Variants in RCC1L observed in about 807,000 individuals in gnomAD.
RCC1L encodes the protein RCC1-like G exchanging factor-like protein.
Under a neutral mutation model 58.6 loss-of-function variants are expected in RCC1L, and 46 were observed. The ratio of observed to expected loss-of-function variants is 0.79; its 90% CI spans 0.62 to 1.00. The LOEUF is 1.00. Among genes scored for constraint, RCC1L ranks in the 50% least tolerant of loss-of-function variants. The pLI, the probability that RCC1L is intolerant of heterozygous loss-of-function variation, is 0.00. For synonymous variants in RCC1L, 281 were observed against 262.9 expected (o/e 1.07, Z -0.67); for missense variants, 636 against 623.6 (o/e 1.02, Z -0.21).
chr7:75,060,241 A>G (rs1806228987), intron 6 of RCC1L, among the ~76,000 whole-genome samples: 2 of 152,184 alleles, frequency 1.3e-5, no homozygotes, highest in Admixed American at 6.5e-5. Context: ...CAAACTTTAC[A>G]TTGTCTGGAT....
At chr7:75,056,374 C>T (rs903588495) in intron 8 of RCC1L, 48 of 874,896 alleles carry the variant, frequency 5.5e-5, no homozygotes, top group Non-Finnish European at 7.4e-5. Context: ...GCGTATAAAT[C>T]ATCCAGAAAA....
Position 75,056,171 on chromosome 7 carries a change from C to T in RCC1L, c.1058-97G>A, listed in dbSNP as rs1806073215. The T allele has an allele frequency of 7.0e-6, 10 of 1,423,582 alleles. No homozygotes were observed. The East Asian group carries it at 2.0e-4, about 29-fold the overall frequency. The allele number at this position is 1,423,582 out of a possible 1,614,324, so 88.2% of individuals were successfully genotyped here. On this transcript the variant is annotated intron_variant, in intron 8 of 10. Coordinates refer to ENST00000610322, the MANE Select transcript of RCC1L (RefSeq NM_030798.5). ...ACACCACCAAGGTTTATGACATCCA[C>T]ACGGTTTTTTTTTGTTTTTTTTTTG...
At chr7:75,058,897 C>G in intron 6 of RCC1L, 128 bp from the exon 7 acceptor site, 2 of 1,149,612 alleles carry the variant, frequency 1.7e-6, no homozygotes, top group Non-Finnish European at 2.5e-6. Flanking sequence ...CAGTCTGGGG[C>G]TGGGTGCAGT....
chr7:75,038,926 A>C (rs1367380423), downstream of RCC1L, among the ~76,000 whole-genome samples: 2 of 152,192 alleles, frequency 1.3e-5, no homozygotes, highest in African/African-American at 4.8e-5. Context: ...AGAGTGGAGT[A>C]GGGCAGGGAA....
intron 6 of RCC1L, among the ~76,000 whole-genome samples, chr7:75,060,576 G>A (rs1003602581): frequency 5.9e-5 from 9 of 152,138 alleles, no homozygotes; most frequent in East Asian, 1.9e-4. Flanking sequence ...GATTACAGCC[G>A]TGTGCCACCA....
chr7:75,052,127 A>T (rs1179463606), intron 10 of RCC1L, among the ~76,000 whole-genome samples: 2 of 152,050 alleles, frequency 1.3e-5, no homozygotes, highest in African/African-American at 4.8e-5. Flanking sequence ...ATTGCATACT[A>T]CCGCCCCTAA....
At chr7:75,052,080 T>A (rs1459979896) in intron 10 of RCC1L, among the ~76,000 whole-genome samples, 1 of 152,198 alleles carries the variant, frequency 6.6e-6, no homozygotes, top group African/African-American at 2.4e-5. Flanking sequence ...AATGAGCGTC[T>A]CTTCCCCTGT....
At chr7:75,040,521 G>GT (rs1381557300), downstream of RCC1L, among the ~76,000 whole-genome samples, 3 of 151,924 alleles carry the variant, frequency 2.0e-5, no homozygotes, top group Non-Finnish European at 4.4e-5. Flanking sequence ...AGGGTGGGAG[G>GT]TTTATTAAAA....
chr7:75,057,513 G>A lies in RCC1L; in HGVS notation c.1057+16C>T, dbSNP rs928995079. On this transcript the variant is annotated intron_variant, in intron 8 of 10. Coordinates refer to ENST00000610322, the MANE Select transcript of RCC1L (RefSeq NM_030798.5). ...ACCTACAGCTTCCCAATGAGCCACC[G>A]GAAAGAAGGTCTCACCGTTTAACAC... 1.2e-5 allele frequency: 20 copies of A among 1,613,374 alleles called. No individual in the cohort carries two copies. The highest frequency in any genetic ancestry group is 1.6e-4 in the Middle Eastern group (1 of 6,076).
chr7:75,036,114 CTCT>C (rs1414154347), intron 10 of RCC1L, among the ~76,000 whole-genome samples: 1 of 140,892 alleles, frequency 7.1e-6, no homozygotes, highest in Non-Finnish European at 1.6e-5. Context: ...CCCAAAGTCA[CTCT>C]TTTTTTTTTT....
At chr7:75,073,383 A>G (rs1277019264) in intron 1 of RCC1L, 31 bp downstream of exon 1, 2 of 966,724 alleles carry the variant, frequency 2.1e-6, no homozygotes, top group African/African-American at 1.9e-5. Flanking sequence ...GAAGAGAGAG[A>G]AGGAGAGAAG....
At chr7:75,052,376 G>A (rs1805939920) in intron 10 of RCC1L, among the ~76,000 whole-genome samples, 1 of 152,180 alleles carries the variant, frequency 6.6e-6, no homozygotes, top group East Asian at 1.9e-4. Flanking sequence ...CCTCCGACAG[G>A]GCTTCTTATA....
exon 11 of RCC1L, chr7:75,027,605 CAT>C (rs1805172597): frequency 6.3e-5 from 12 of 189,708 alleles, no homozygotes; most frequent in Non-Finnish European, 1.1e-5. Flanking sequence ...TGGAGAAAAG[CAT>C]GTGTGTCGGG....
At chr7:75,049,838 C>G (rs1805851396) in intron 10 of RCC1L, among the ~76,000 whole-genome samples, 1 of 152,088 alleles carries the variant, frequency 6.6e-6, no homozygotes, top group Admixed American at 6.6e-5. Flanking sequence ...GAGATCCTGT[C>G]ACCACACTCC....
At chr7:75,066,343 A>G (rs1052801866) in intron 3 of RCC1L, among the ~76,000 whole-genome samples, 53 of 151,860 alleles carry the variant, frequency 3.5e-4, no homozygotes, top group African/African-American at 1.2e-3. Flanking sequence ...CCCAGCTACT[A>G]CTCAGGAGGC....
At chr7:75,066,600 A>T (rs1806495909) in intron 3 of RCC1L, 64 bp downstream of exon 3, 2 of 1,600,714 alleles carry the variant, frequency 1.2e-6, no homozygotes, top group Non-Finnish European at 1.7e-6. Context: ...GCCTGATTTG[A>T]GGCTCCAGTT....
intron 2 of RCC1L, among the ~76,000 whole-genome samples, chr7:75,069,875 C>T (rs1806656460): frequency 6.6e-6 from 1 of 151,628 alleles, no homozygotes; most frequent in Admixed American, 6.6e-5. Flanking sequence ...AGTGCTGGGA[C>T]TACAGGCGTG....
At position 75,057,631 on chromosome 7, in the gene RCC1L, G is replaced by A. The variant is rs1806124036; in HGVS notation, c.970-15C>T. The A allele has an allele frequency of 3.6e-5, 58 of 1,613,526 alleles. 1 individual carries two copies. The South Asian group carries it at 6.1e-4, about 17-fold the overall frequency. The stretch of plus-strand genomic sequence containing the variant: ...GGCACATTCACCTGAACCAAAGAAA[G>A]GAGCCACACTGTTAGGAAAGCAAGC... On this transcript the variant is annotated splice_polypyrimidine_tract_variant and intron_variant, in intron 7 of 10. Transcript: ENST00000610322.
downstream of RCC1L, among the ~76,000 whole-genome samples, chr7:75,038,550 G>A (rs1199835585): frequency 6.8e-5 from 10 of 147,764 alleles, no homozygotes; most frequent in East Asian, 2.0e-4. Context: ...TTTTTGGCGC[G>A]CAGACCAGTG....
Sources: allele counts gnomAD v4.1 joint callset (sites outside exome capture counted in the v4.1 genomes callset), GRCh38; gene constraint gnomAD v4.1.1; transcripts MANE v1.5; gene names NCBI Gene and HGNC (gene_info 2026-07-23, HGNC 2026-07-21).